AKAP4: variants seen among roughly 807,000 people sequenced by gnomAD.
AKAP4 encodes A-kinase anchor protein 4.
AKAP4 carries 4 observed loss-of-function variants against 42.6 expected under a neutral mutation model. That is an observed-to-expected ratio of 0.09 (90% CI 0.05 to 0.22). The LOEUF (loss-of-function observed/expected upper bound fraction) is 0.22. AKAP4 is among the 10% of genes least tolerant of loss of function. The pLI, the probability that AKAP4 is intolerant of heterozygous loss-of-function variation, is 1.00. For missense variants in AKAP4, 551 were observed against 630.7 expected (o/e 0.87, Z 1.35); for synonymous variants, 223 against 233.0 (o/e 0.96, Z 0.39).
chrX:50,191,659 T>TGTGTGTGAGAGAGAAA (rs1363221828), intron 5 of AKAP4, among the ~76,000 whole-genome samples: 1 of 43,611 alleles, frequency 2.3e-5, no homozygotes, highest in African/African-American at 7.4e-5. Flanking sequence ...TGTGTGTGTG[T>TGTGTGTGAGAGAGAAA]GAGAGAGAGA....
chrX:50,192,929 G>T lies in AKAP4; in HGVS notation c.1784C>A (p.Ala595Glu). Reference protein sequence around the residue: ...EKCGGGQSAKALSVKQLESHR... With the variant: ...EKCGGGQSAKELSVKQLESHR... ...AGATTCTAGTTGTTTCACTGAAAGT[G>T]CTTTGGCACTTTGGCCACCTCCACA... Residue 595 changes from alanine (A) to glutamate (E), a missense_variant, in exon 5 of 6, where the codon GCA (alanine) becomes GAA (glutamate). Physicochemically the swap from Ala to Glu is moderately radical, Grantham distance 107. Coordinates refer to ENST00000358526, the MANE Select transcript of AKAP4 (RefSeq NM_003886.3). The T allele has an allele frequency of 8.3e-7, 1 of 1,211,919 alleles. No homozygotes were observed.
chrX:50,191,538 G>C (rs1935108467), intron 5 of AKAP4, among the ~76,000 whole-genome samples: 1 of 109,712 alleles, frequency 9.1e-6, no homozygotes, highest in South Asian at 4.0e-4. Context: ...GTCTGAGCTT[G>C]GCTCCTGGAC....
intron 3 of AKAP4, 87 bp downstream of exon 3, chrX:50,197,457 C>T (rs1221884848): frequency 7.9e-6 from 7 of 885,665 alleles, no homozygotes; most frequent in Non-Finnish European, 1.1e-5. Context: ...CCCTCTCTCC[C>T]CCCAACATTT....
At position 50,193,946 on chromosome X, in the gene AKAP4, C is replaced by A. The variant is rs1184512987; in HGVS notation, c.767G>T (p.Gly256Val). The A allele has an allele frequency of 3.3e-6, 4 of 1,209,880 alleles. No homozygotes were observed. The highest frequency in any genetic ancestry group is 4.5e-6 in the Non-Finnish European group (4 of 895,195). ...TCGGGGACTGATTCTCTCTTTGTTCCCAGGGGATGGACAGATTGAATGATG... is the reference window on the plus strand; with the variant it reads ...TCGGGGACTGATTCTCTCTTTGTTCACAGGGGATGGACAGATTGAATGATG... ...CLHHSICPSPGNKERISPRTP... is the reference protein window; with the variant it reads ...CLHHSICPSPVNKERISPRTP... Residue 256 changes from glycine (G) to valine (V), a missense_variant, in exon 5 of 6, where the codon GGG becomes GTG. Transcript: ENST00000358526.
chrX:50,192,296 T>G lies in AKAP4; in HGVS notation c.2409+8A>C. 1 of 1,177,673 alleles carries G rather than the reference T, an allele frequency of 8.5e-7. No individual in the cohort carries two copies. The highest frequency in any genetic ancestry group is 1.1e-6 in the Non-Finnish European group (1 of 878,095). On this transcript the variant is annotated splice_region_variant and intron_variant, in intron 5 of 5. Transcript: ENST00000358526. ...AACTTTCTTCTTGTGCCTTAATGCA[T>G]TACTTACCTTTTCCAGTTGTCCATC...
chrX:50,197,233 C>G (rs979295415), intron 3 of AKAP4, among the ~76,000 whole-genome samples: 2 of 110,301 alleles, frequency 1.8e-5, no homozygotes, highest in Admixed American at 1.9e-4. Flanking sequence ...GAACTATATT[C>G]ATCACCCTTT....
chrX:50,194,284 T>C lies in AKAP4; in HGVS notation c.429A>G (p.Thr143=). Residue 143 remains threonine, a synonymous_variant, in exon 5 of 6, where the codon ACA becomes ACG. Coordinates refer to ENST00000358526, the MANE Select transcript of AKAP4 (RefSeq NM_003886.3). The part of the protein sequence containing the change: ...TSTCKHKVGD[T]EGEYHRASSE... ...AGGATGCTCTGTGATATTCGCCCTC[T>C]GTGTCTCCTACTTTATGTTTACAGG... 8.3e-7 allele frequency: 1 copy of C among 1,210,229 alleles called. No homozygotes were observed. Among genetic ancestry groups the C allele is most frequent in the South Asian group, 1.8e-5 (1 of 56,629 alleles).
chrX:50,191,659 T>TGAGAGAGAAAGA (rs1935112291), intron 5 of AKAP4, among the ~76,000 whole-genome samples: 1 of 43,611 alleles, frequency 2.3e-5, no homozygotes, highest in African/African-American at 7.4e-5. Flanking sequence ...TGTGTGTGTG[T>TGAGAGAGAAAGA]GAGAGAGAGA....
chrX:50,196,863 G>T, intron 4 of AKAP4, 28 bp downstream of exon 4: 1 of 1,056,099 alleles, frequency 9.5e-7, no homozygotes, highest in East Asian at 3.0e-5. Context: ...AGAATTAGAA[G>T]TGGTGGGATC....
intron 2 of AKAP4, among the ~76,000 whole-genome samples, chrX:50,197,883 T>G (rs1557204518): frequency 8.9e-6 from 1 of 112,199 alleles, no homozygotes; most frequent in Non-Finnish European, 1.9e-5. Flanking sequence ...TCCACATGTA[T>G]TAATTGAGAA....
intron 4 of AKAP4, among the ~76,000 whole-genome samples, chrX:50,195,843 G>A (rs1557204301): frequency 9.0e-6 from 1 of 110,925 alleles, no homozygotes. Flanking sequence ...GACTGTGTAT[G>A]CCCATGTCCA....
rs894100819 is a variant in AKAP4 at position 50,200,958 on chromosome X, A to G, written c.-69T>C. On this transcript the variant is annotated 5_prime_UTR_variant, in exon 1 of 6. Coordinates refer to ENST00000358526, the MANE Select transcript of AKAP4 (RefSeq NM_003886.3). ...GATGACTCTTCCAGTCTGCCTCAAG[A>G]TACTGCTTTTTTCTTCAACTCTCCA... is the stretch of plus-strand genomic sequence containing the variant. 3 of 1,078,284 alleles carry G rather than the reference A, an allele frequency of 2.8e-6. No homozygotes were observed. The East Asian group carries it at 9.1e-5, about 33-fold the overall frequency. 88.9% of individuals were successfully genotyped at this position (1,078,284 alleles called of 1,213,427 possible).
At position 50,193,955 on chromosome X, in the gene AKAP4, G is replaced by A. The variant is rs782715262; in HGVS notation, c.758C>T (p.Pro253Leu). The change falls in exon 5 of 6, where the codon CCA (proline) becomes CTA (leucine). Residue 253 changes from proline to leucine, a missense_variant. By Grantham distance (98) the Pro-to-Leu change is moderately conservative. Transcript: ENST00000358526. ...KSKCLHHSIC[P>L]SPGNKERISP... Reference sequence around the variant, plus strand: ...GATTCTCTCTTTGTTCCCAGGGGATGGACAGATTGAATGATGAAGGCATTT... The same window carrying A: ...GATTCTCTCTTTGTTCCCAGGGGATAGACAGATTGAATGATGAAGGCATTT... 2 of 1,209,694 alleles carry A rather than the reference G, an allele frequency of 1.7e-6. No individual in the cohort carries two copies. The highest frequency in any genetic ancestry group is 2.2e-6 in the Non-Finnish European group (2 of 895,075).
Position 50,192,587 on chromosome X carries a change from A to C in AKAP4, c.2126T>G (p.Leu709Arg). 2.5e-6 allele frequency: 3 copies of C among 1,211,664 alleles called. No individual in the cohort carries two copies. Among genetic ancestry groups the C allele is most frequent in the Non-Finnish European group, 3.3e-6 (3 of 895,579 alleles). The change falls in exon 5 of 6, where the codon CTT (leucine) becomes CGT (arginine). Residue 709 changes from leucine (L) to arginine (R), a missense_variant. Transcript: ENST00000358526. Reference sequence around the variant, plus strand: ...ATCGTTGCTATACTTAGCCATGATAAGGCAGAGCTTCATCACAGATTCTAC... The same window carrying C: ...ATCGTTGCTATACTTAGCCATGATACGGCAGAGCTTCATCACAGATTCTAC... ...KLVESVMKLC[L>R]IMAKYSNDGA... is the part of the protein sequence containing the mutation.
At position 50,193,531 on chromosome X, in the gene AKAP4, A is replaced by G; in HGVS notation, c.1182T>C (p.Thr394=). 1 of 1,211,853 alleles carries G rather than the reference A, an allele frequency of 8.3e-7. No homozygotes were observed. The highest frequency in any genetic ancestry group is 1.1e-6 in the Non-Finnish European group (1 of 895,605). Residue 394 remains threonine (T), a synonymous_variant, in exon 5 of 6, where the codon ACT becomes ACC. Transcript: ENST00000358526. ...AGTCTGAGTCAGTCATCAGGACCCC[A>G]GTAATATTATGCAGGTTCTTCATGC... is the stretch of plus-strand genomic sequence containing the variant. ...DSCMKNLHNI[T]GVLMTDSDFV... is the part of the protein sequence containing the mutation.
At chrX:50,196,856 A>G in intron 4 of AKAP4, 35 bp downstream of exon 4, 1 of 1,037,126 alleles carries the variant, frequency 9.6e-7, no homozygotes, top group African/African-American at 1.8e-5. Context: ...AGCTCTGAGA[A>G]TTAGAAGTGG....
intron 2 of AKAP4, among the ~76,000 whole-genome samples, 194 bp downstream of exon 2, chrX:50,198,463 C>A (rs781935922): frequency 9.0e-6 from 1 of 110,530 alleles, no homozygotes; most frequent in African/African-American, 3.3e-5. Context: ...TTACATCACA[C>A]CACACCCTGC....
chrX:50,194,794 T>C (rs1291045876), intron 4 of AKAP4, among the ~76,000 whole-genome samples: 1 of 111,447 alleles, frequency 9.0e-6, no homozygotes, highest in Non-Finnish European at 1.9e-5. Context: ...TGTGCCATTC[T>C]GTATTGTTAG....
In AKAP4 at chrX:50,198,736, T is replaced by C; in HGVS notation, c.44A>G (p.Asp15Gly). ...SDTTMMSDDIDWLRSHRGVCK... is the reference protein window; with the variant it reads ...SDTTMMSDDIGWLRSHRGVCK... Reference sequence around the variant, plus strand: ...CACACCCCTGTGGCTGCGTAACCAGTCAATATCATCAGACATCTGGAAAGA... The same window carrying C: ...CACACCCCTGTGGCTGCGTAACCAGCCAATATCATCAGACATCTGGAAAGA... The change falls in exon 2 of 6, where the codon GAC becomes GGC. Residue 15 changes from aspartate (D) to glycine (G), a missense_variant. By Grantham distance (94) the Asp-to-Gly change is moderately conservative. Transcript: ENST00000358526. 8.3e-7 allele frequency: 1 copy of C among 1,204,086 alleles called. No homozygotes were observed. Among genetic ancestry groups the C allele is most frequent in the Non-Finnish European group, 1.1e-6 (1 of 889,845 alleles).
Sources: allele counts gnomAD v4.1 joint callset (sites outside exome capture counted in the v4.1 genomes callset), GRCh38; gene constraint gnomAD v4.1.1; transcripts MANE v1.5; gene names NCBI Gene and HGNC (gene_info 2026-07-23, HGNC 2026-07-21).